The following MED13L variants were observed in gnomAD, a reference collection of about 807,000 sequenced individuals.
MED13L encodes mediator complex subunit 13L, also known as mediator of RNA polymerase II transcription subunit 13-like.
MED13L carries 7 observed loss-of-function variants against 220.9 expected under a neutral mutation model. That is an observed-to-expected ratio of 0.03 (90% CI 0.02 to 0.06). The LOEUF (loss-of-function observed/expected upper bound fraction) is 0.06, where lower values mean the gene tolerates loss of function less well. MED13L is among the 10% of genes least tolerant of loss of function. The probability of loss-of-function intolerance (pLI) is 1.00; values close to 1 mark genes in which losing one functional copy is unlikely to be tolerated. For missense variants in MED13L, 1,965 were observed against 2,760.5 expected (o/e 0.71, Z 6.46); for synonymous variants, 1,011 against 1,015.2 (o/e 1.00, Z 0.08).
At chr12:116,241,084 G>A (rs1226992514) in intron 1 of MED13L, among the ~76,000 whole-genome samples, 1 of 151,326 alleles carries the variant, frequency 6.6e-6, no homozygotes, top group East Asian at 2.0e-4. Flanking sequence ...AGAGGCGGGC[G>A]GATCACAAGG....
intron 1 of MED13L, among the ~76,000 whole-genome samples, chr12:116,268,669 G>GT (rs928397208): frequency 3.3e-5 from 5 of 150,792 alleles, no homozygotes; most frequent in Non-Finnish European, 7.4e-5. Context: ...TTTGTCAAAT[G>GT]TTTTTTAAGG....
intron 5 of MED13L, 57 bp from the exon 6 acceptor site, chr12:116,020,029 T>A: frequency 6.9e-7 from 1 of 1,454,468 alleles, no homozygotes; most frequent in Non-Finnish European, 9.6e-7. Flanking sequence ...CCTACTTAAG[T>A]GCAACACTAC....
chr12:116,179,479 G>T (rs915117924), intron 2 of MED13L, among the ~76,000 whole-genome samples: 1 of 151,926 alleles, frequency 6.6e-6, no homozygotes, highest in South Asian at 2.1e-4. Flanking sequence ...GCATGGTGGT[G>T]CACACTTGTA....
intron 13 of MED13L, among the ~76,000 whole-genome samples, chr12:116,003,745 TAGA>T (rs910497508): frequency 6.6e-5 from 10 of 152,300 alleles, no homozygotes; most frequent in African/African-American, 2.2e-4. Context: ...TTTTTACAAA[TAGA>T]AGGCCTTTTA....
chr12:116,277,032 G>A (rs1873923073), intron 1 of MED13L, 28 bp downstream of exon 1: 20 of 1,021,222 alleles, frequency 2.0e-5, no homozygotes, highest in East Asian at 2.9e-5. Context: ...CCCCGGCACA[G>A]CCCCCTCCCC....
chr12:116,119,420 G>A (rs191168282), intron 2 of MED13L, among the ~76,000 whole-genome samples: 9 of 152,152 alleles, frequency 5.9e-5, no homozygotes, highest in Non-Finnish European at 8.8e-5. Flanking sequence ...GTTCTGTAGC[G>A]CCGATTGTAA....
At chr12:116,151,038 A>C (rs577247574) in intron 2 of MED13L, among the ~76,000 whole-genome samples, 2 of 152,224 alleles carry the variant, frequency 1.3e-5, no homozygotes, top group South Asian at 4.2e-4. Flanking sequence ...TACTCCCCAG[A>C]GGTCTATCAC....
chr12:116,019,548 A>G, intron 6 of MED13L, 136 bp from the exon 7 acceptor site: 1 of 1,141,656 alleles, frequency 8.8e-7, no homozygotes. Flanking sequence ...TTCTTTCATA[A>G]GTTAATAGCT....
At chr12:116,145,697 A>ATTTGTTTATTTG (rs1555216007) in intron 2 of MED13L, among the ~76,000 whole-genome samples, 1 of 146,868 alleles carries the variant, frequency 6.8e-6, no homozygotes, top group African/African-American at 2.6e-5. Flanking sequence ...TTATTTATTT[A>ATTTGTTTATTTG]TTTATTTTAA....
At chr12:116,116,723 T>A (rs1874553809) in intron 2 of MED13L, among the ~76,000 whole-genome samples, 1 of 151,652 alleles carries the variant, frequency 6.6e-6, no homozygotes, top group African/African-American at 2.4e-5. Context: ...TATCCCCAGG[T>A]AGACAGTGTC....
rs1307508692 is a variant in MED13L at position 116,037,480 on chromosome 12, C to T, written c.480-14879G>A. On this transcript the variant is annotated intron_variant, in intron 4 of 30. Coordinates refer to ENST00000281928, the MANE Select transcript of MED13L (RefSeq NM_015335.5). ...TTGTATATTCAGATATTCTGAAATC[C>T]GATGAAATCTGAAATCCAAAACGTT... Among the ~76,000 whole-genome samples the T allele has an allele frequency of 2.6e-5, 4 of 152,102 alleles. No individual in the cohort carries two copies. In the East Asian group the frequency reaches 7.7e-4, roughly 29 times the overall value.
At chr12:116,071,878 TTC>T (rs1261220175) in intron 4 of MED13L, among the ~76,000 whole-genome samples, 1 of 152,224 alleles carries the variant, frequency 6.6e-6, no homozygotes, top group African/African-American at 2.4e-5. Flanking sequence ...TAAATTCCCT[TTC>T]TGCTCCATAT....
intron 4 of MED13L, among the ~76,000 whole-genome samples, chr12:116,026,786 T>G (rs944297360): frequency 6.6e-6 from 1 of 152,216 alleles, no homozygotes; most frequent in East Asian, 1.9e-4. Context: ...TTCTAAGAAT[T>G]TATCCCATAT....
At chr12:116,031,044 A>G (rs1880705576) in intron 4 of MED13L, among the ~76,000 whole-genome samples, 1 of 152,206 alleles carries the variant, frequency 6.6e-6, no homozygotes, top group African/African-American at 2.4e-5. Context: ...CCTAGGAAAG[A>G]AGCATATGTT....
chr12:116,240,110 C>T (rs556194161), intron 1 of MED13L, among the ~76,000 whole-genome samples: 27 of 150,922 alleles, frequency 1.8e-4, no homozygotes, highest in Admixed American at 1.3e-3. Context: ...TTCTATCTTA[C>T]AAGTTCCTTT....
At chr12:116,150,571 A>G (rs1328971456) in intron 2 of MED13L, among the ~76,000 whole-genome samples, 3 of 152,082 alleles carry the variant, frequency 2.0e-5, no homozygotes, top group Non-Finnish European at 4.4e-5. Context: ...CACCTCTGCC[A>G]CTCAACTTCG....
intron 2 of MED13L, among the ~76,000 whole-genome samples, chr12:116,228,016 T>C (rs933264162): frequency 6.6e-6 from 1 of 152,190 alleles, no homozygotes; most frequent in Non-Finnish European, 1.5e-5. Flanking sequence ...AACAGGCTTA[T>C]TGTTGATATG....
intron 4 of MED13L, among the ~76,000 whole-genome samples, chr12:116,041,814 G>A (rs537473791): frequency 1.1e-3 from 163 of 152,292 alleles, no homozygotes; most frequent in African/African-American, 3.7e-3. Context: ...CGACCTGGGC[G>A]ACAGAGCGAG....
At chr12:116,221,650 A>G (rs1372463468) in intron 2 of MED13L, among the ~76,000 whole-genome samples, 1 of 152,178 alleles carries the variant, frequency 6.6e-6, no homozygotes, top group Non-Finnish European at 1.5e-5. Flanking sequence ...ATTATTCTAT[A>G]AACAAAAAAT....
Sources: allele counts gnomAD v4.1 joint callset (sites outside exome capture counted in the v4.1 genomes callset), GRCh38; gene constraint gnomAD v4.1.1; transcripts MANE v1.5; gene names NCBI Gene and HGNC (gene_info 2026-07-23, HGNC 2026-07-21).